Variants in CCBE1 observed in about 807,000 individuals in gnomAD.
CCBE1 encodes collagen and calcium-binding EGF domain-containing protein 1.
In CCBE1, 37 loss-of-function variants were observed where a neutral mutation model predicts 50.0. That is an observed-to-expected ratio of 0.74 (90% CI 0.57 to 0.97). CCBE1 has a LOEUF of 0.97. CCBE1 is among the 50% of genes least tolerant of loss of function. The pLI is 0.00. For missense variants in CCBE1, 538 were observed against 523.8 expected, an observed-to-expected ratio of 1.03 and a Z score of -0.26; for synonymous variants, 234 against 203.7, an observed-to-expected ratio of 1.15 and a Z score of -1.27.
chr18:59,555,662 T>C (rs2000890), intron 2 of CCBE1, among the ~76,000 whole-genome samples: 118,006 of 151,806 alleles, frequency 0.78, 46,192 homozygotes, highest in East Asian at 0.88. Context: ...CCTGGGGTCT[T>C]TACATTGCAT....
chr18:59,654,538 C>A (rs1418601535), intron 2 of CCBE1, among the ~76,000 whole-genome samples: 3 of 152,130 alleles, frequency 2.0e-5, no homozygotes, highest in Non-Finnish European at 4.4e-5. Flanking sequence ...GCAGGAGAAT[C>A]ACTTGAACCC....
intron 2 of CCBE1, among the ~76,000 whole-genome samples, chr18:59,644,011 G>A (rs570642699): frequency 6.6e-6 from 1 of 152,262 alleles, no homozygotes; most frequent in Admixed American, 6.5e-5. Flanking sequence ...CTATGGCACT[G>A]GTCCCCAACC....
intron 2 of CCBE1, among the ~76,000 whole-genome samples, chr18:59,666,492 A>G (rs2054358974): frequency 6.6e-6 from 1 of 152,212 alleles, no homozygotes; most frequent in Admixed American, 6.5e-5. Context: ...ATAAGCCAGC[A>G]ACTGCAATCA....
chr18:59,618,710 G>A (rs1436554634), intron 2 of CCBE1, among the ~76,000 whole-genome samples: 1 of 152,170 alleles, frequency 6.6e-6, no homozygotes, highest in Non-Finnish European at 1.5e-5. Context: ...TTATAGGCAT[G>A]AGCCACCACA....
At chr18:59,624,489 CTT>C (rs1357689217) in intron 2 of CCBE1, among the ~76,000 whole-genome samples, 2 of 152,318 alleles carry the variant, frequency 1.3e-5, no homozygotes, top group East Asian at 1.9e-4. Context: ...GTGAACATAA[CTT>C]TGCAGCCTCA....
At chr18:59,451,695 A>G (rs527366447) in intron 6 of CCBE1, among the ~76,000 whole-genome samples, 1 of 152,304 alleles carries the variant, frequency 6.6e-6, no homozygotes, top group Non-Finnish European at 1.5e-5. Context: ...ACACAAATAT[A>G]TAACTTAGCA....
Position 59,436,097 on chromosome 18 carries a change from G to A in CCBE1, c.1032C>T (p.Asp344=), listed in dbSNP as rs1053144860. 6.2e-7 allele frequency: 1 copy of A among 1,614,122 alleles called. No homozygotes were observed. Among genetic ancestry groups the A allele is most frequent in the African/African-American group, 1.3e-5 (1 of 74,938 alleles). Residue 344 remains aspartate, a synonymous_variant, in exon 11 of 11, where the codon GAC becomes GAT. Transcript: ENST00000439986. ...SFDFLLLMLA[D]IRNDITELQE... ...GCAGCTCAGTGATGTCATTGCGGAT[G>A]TCAGCCAGCATAAGTAGCAGGAAGT... is the stretch of plus-strand genomic sequence containing the variant.
intron 2 of CCBE1, among the ~76,000 whole-genome samples, chr18:59,553,654 T>C (rs899572503): frequency 6.6e-6 from 1 of 152,192 alleles, no homozygotes; most frequent in Non-Finnish European, 1.5e-5. Context: ...CCACTCCTAT[T>C]TGGGAAACAT....
intron 3 of CCBE1, among the ~76,000 whole-genome samples, chr18:59,471,968 G>T (rs1262627882): frequency 6.6e-6 from 1 of 152,230 alleles, no homozygotes; most frequent in African/African-American, 2.4e-5. Context: ...TTCAAGACCA[G>T]CCTGGGCAAC....
Position 59,479,023 on chromosome 18 carries a change from G to A in CCBE1, c.265+1163C>T, listed in dbSNP as rs529872862. On this transcript the variant is annotated intron_variant, in intron 3 of 10. Coordinates refer to ENST00000439986, the MANE Select transcript of CCBE1 (RefSeq NM_133459.4). ...CTGTCCCAACCTTCCACAGAAAACA[G>A]CGATAAATGGGAGGGATTCATCTGT... Among the ~76,000 whole-genome samples the A allele has an allele frequency of 3.8e-4, 58 of 152,314 alleles. No individual in the cohort carries two copies. The South Asian group carries it at 0.01, about 27-fold the overall frequency.
At chr18:59,567,140 T>G (rs1011670280) in intron 2 of CCBE1, among the ~76,000 whole-genome samples, 9 of 151,994 alleles carry the variant, frequency 5.9e-5, no homozygotes, top group African/African-American at 1.9e-4. Flanking sequence ...TTTTTTGAAA[T>G]GGAGATTAGC....
chr18:59,667,037 C>T (rs1037144509), intron 2 of CCBE1, among the ~76,000 whole-genome samples: 3 of 152,008 alleles, frequency 2.0e-5, no homozygotes, highest in Non-Finnish European at 4.4e-5. Context: ...GCTTTGGGAG[C>T]CCAAGGTGGG....
intron 5 of CCBE1, chr18:59,459,164 C>T (rs1446762926): frequency 2.0e-5 from 3 of 152,098 alleles, no homozygotes; most frequent in East Asian, 1.9e-4. Flanking sequence ...TATTTATTGT[C>T]GGTATTACTA....
chr18:59,454,873 G>T lies in CCBE1; in HGVS notation c.632C>A (p.Thr211Asn), dbSNP rs1440722176. 11 of 1,614,044 alleles carry T rather than the reference G, an allele frequency of 6.8e-6. No homozygotes were observed. Among genetic ancestry groups the T allele is most frequent in the South Asian group, 2.2e-5 (2 of 91,088 alleles). The change falls in exon 6 of 11, where the codon ACC becomes AAC. Residue 211 changes from threonine to asparagine, a missense_variant. Thr to Asn is a moderately conservative substitution (Grantham distance 65, BLOSUM62 0). Transcript: ENST00000439986. ...TCKEFYQMKQTVLQLKQKIAL... is the reference protein window; with the variant it reads ...TCKEFYQMKQNVLQLKQKIAL... Reference sequence around the variant, plus strand: ...TACCTTTTGCTTCAGCTGCAGCACGGTCTGCTTCATCTGGTAGAACTCCTT... The same window carrying T: ...TACCTTTTGCTTCAGCTGCAGCACGTTCTGCTTCATCTGGTAGAACTCCTT...
intron 2 of CCBE1, among the ~76,000 whole-genome samples, chr18:59,684,417 C>A (rs935580636): frequency 1.3e-5 from 2 of 152,278 alleles, no homozygotes; most frequent in Middle Eastern, 3.4e-3. Context: ...CCACAGCACT[C>A]CAGCCTGGGT....
chr18:59,587,992 A>G (rs2053202317), intron 2 of CCBE1, among the ~76,000 whole-genome samples: 2 of 152,246 alleles, frequency 1.3e-5, no homozygotes, highest in African/African-American at 4.8e-5. Context: ...GAAGGCTAAG[A>G]AGAAATCGGA....
At chr18:59,539,242 G>A (rs987473998) in intron 2 of CCBE1, among the ~76,000 whole-genome samples, 2 of 151,954 alleles carry the variant, frequency 1.3e-5, no homozygotes, top group Admixed American at 6.5e-5. Context: ...GACAGACCGT[G>A]ACTGCCATCT....
chr18:59,614,413 TAATTTA>T (rs2053612606), intron 2 of CCBE1, among the ~76,000 whole-genome samples: 1 of 152,242 alleles, frequency 6.6e-6, no homozygotes, highest in African/African-American at 2.4e-5. Context: ...CACATAGTTC[TAATTTA>T]AATTTAAAAC....
At chr18:59,498,457 G>T (rs1298403195) in intron 2 of CCBE1, among the ~76,000 whole-genome samples, 1 of 152,100 alleles carries the variant, frequency 6.6e-6, no homozygotes, top group Admixed American at 6.5e-5. Context: ...TGTAGATTCA[G>T]TCCATACCAT....
Sources: allele counts gnomAD v4.1 joint callset (sites outside exome capture counted in the v4.1 genomes callset), GRCh38; gene constraint gnomAD v4.1.1; transcripts MANE v1.5; gene names NCBI Gene and HGNC (gene_info 2026-07-23, HGNC 2026-07-21).